The following PKP1 variants were observed in gnomAD, a reference collection of about 807,000 sequenced individuals.
PKP1 encodes plakophilin 1, also known as plakophilin-1.
Under a neutral mutation model 76.4 loss-of-function variants are expected in PKP1, and 27 were observed. The observed-to-expected ratio is 0.35, with a 90% CI of 0.26 to 0.49. The LOEUF is 0.49. PKP1 is among the 20% of genes least tolerant of loss of function. The probability of loss-of-function intolerance (pLI) is 0.99; values close to 1 mark genes in which losing one functional copy is unlikely to be tolerated. For synonymous variants in PKP1, 404 were observed against 384.2 expected, an observed-to-expected ratio of 1.05 and a Z score of -0.60; for missense variants, 964 against 955.2, an observed-to-expected ratio of 1.01 and a Z score of -0.12.
intron 2 of PKP1, among the ~76,000 whole-genome samples, chr1:201,300,475 G>A (rs1656195257): frequency 6.6e-6 from 1 of 152,256 alleles, no homozygotes; most frequent in South Asian, 2.1e-4. Flanking sequence ...CATGGCAGGT[G>A]AGTTGAGGCT....
chr1:201,325,793 G>A lies in PKP1; in HGVS notation c.2061G>A (p.Leu687=). ...PKAAEAARLL[L]SDMWSSKELQ... ...CCGCAGAAGCTGCCCGGCTTCTCCTGTCTGACATGTGGTCCAGCAAGGAAC... is the reference window on the plus strand; with the variant it reads ...CCGCAGAAGCTGCCCGGCTTCTCCTATCTGACATGTGGTCCAGCAAGGAAC... Residue 687 remains leucine, a synonymous_variant, in exon 12 of 14, where the codon CTG becomes CTA. Coordinates refer to ENST00000367324, the MANE Select transcript of PKP1 (RefSeq NM_001005337.3). 6.2e-7 allele frequency: 1 copy of A among 1,614,068 alleles called. No homozygotes were observed.
intron 2 of PKP1, among the ~76,000 whole-genome samples, chr1:201,310,105 T>C (rs1350428020): frequency 6.6e-6 from 1 of 152,188 alleles, no homozygotes; most frequent in East Asian, 1.9e-4. Flanking sequence ...TGACACCTGG[T>C]ATCCCATTTA....
intron 2 of PKP1, among the ~76,000 whole-genome samples, chr1:201,312,441 C>G (rs762534369): frequency 1.2e-4 from 19 of 152,184 alleles, no homozygotes; most frequent in Non-Finnish European, 2.8e-4. Context: ...CGAGTGACTA[C>G]TAGAAGGTCA....
chr1:201,301,161 T>G (rs531392207), intron 2 of PKP1, among the ~76,000 whole-genome samples: 73 of 152,276 alleles, frequency 4.8e-4, no homozygotes, highest in African/African-American at 1.7e-3. Context: ...CACCAGTCAC[T>G]GTCCTGATAG....
chr1:201,322,975 C>G, intron 8 of PKP1, 38 bp from the exon 9 acceptor site: 5 of 1,603,116 alleles, frequency 3.1e-6, no homozygotes, highest in Non-Finnish European at 4.3e-6. Context: ...TCTCACAAGG[C>G]TCCCCATTGA....
Position 201,316,285 on chromosome 1 carries a change from G to A in PKP1, c.702-268G>A, listed in dbSNP as rs2102176801. Reference sequence around the variant, plus strand: ...AATAGGGAGGAGTTTTTCCTCAGTGGAGAGATAACATACCTGCTAGGACAT... The same window carrying A: ...AATAGGGAGGAGTTTTTCCTCAGTGAAGAGATAACATACCTGCTAGGACAT... On this transcript the variant is annotated intron_variant, in intron 3 of 13. Transcript: ENST00000367324. 1.3e-5 allele frequency: 6 copies of A among 460,044 alleles called. No homozygotes were observed. The South Asian group carries it at 1.8e-4, about 14-fold the overall frequency. The allele number at this position is 460,044 out of a possible 1,614,324, so 28.5% of individuals were successfully genotyped here.
chr1:201,307,694 C>G (rs1656411720), intron 2 of PKP1, among the ~76,000 whole-genome samples: 1 of 152,230 alleles, frequency 6.6e-6, no homozygotes. Flanking sequence ...TACATGCCTA[C>G]TACATGAGAG....
Position 201,291,570 on chromosome 1 carries a change from C to T in PKP1, c.203-2372C>T, listed in dbSNP as rs190016072. ...TGCTGACAGGTTCTCTCCCAGAAGA[C>T]GGGCAAGAAGGCCCTGGTGCAAGCC... On this transcript the variant is annotated intron_variant, in intron 1 of 13. Coordinates refer to ENST00000367324, the MANE Select transcript of PKP1 (RefSeq NM_001005337.3). Among the ~76,000 whole-genome samples the T allele has an allele frequency of 5.2e-4, 79 of 152,294 alleles. 1 individual carries two copies. Among genetic ancestry groups the T allele is most frequent in the African/African-American group, 1.8e-3 (75 of 41,546 alleles).
rs771676256 is a variant in PKP1 at position 201,324,987 on chromosome 1, T to C, written c.1881T>C (p.Thr627=). 6.2e-7 allele frequency: 1 copy of C among 1,613,876 alleles called. No homozygotes were observed. The highest frequency in any genetic ancestry group is 8.5e-7 in the Non-Finnish European group (1 of 1,179,998). ...PEVTRLLTSH[T]GNTSNSEDIL... ...TGACCAGGCTCCTCACCAGCCACAC[T>C]GGCAATACCAGCAACTCCGAAGACA... Residue 627 remains threonine, a synonymous_variant, in exon 11 of 14, where the codon ACT becomes ACC. Coordinates refer to ENST00000367324, the MANE Select transcript of PKP1 (RefSeq NM_001005337.3).
intron 2 of PKP1, among the ~76,000 whole-genome samples, chr1:201,303,262 C>G (rs1465467568): frequency 6.6e-6 from 1 of 152,160 alleles, no homozygotes; most frequent in Non-Finnish European, 1.5e-5. Flanking sequence ...AAGCAATCCT[C>G]CCGCCTCAGA....
chr1:201,320,834 T>C (rs1656917477), intron 7 of PKP1, among the ~76,000 whole-genome samples: 1 of 152,168 alleles, frequency 6.6e-6, no homozygotes, highest in Non-Finnish European at 1.5e-5. Flanking sequence ...GAGGAATCCA[T>C]ACTGGTGCCC....
intron 2 of PKP1, among the ~76,000 whole-genome samples, chr1:201,311,625 G>A (rs548386021): frequency 3.3e-5 from 5 of 152,206 alleles, no homozygotes; most frequent in African/African-American, 9.6e-5. Context: ...CCCAGCTTGT[G>A]TGGCTAGATC....
At chr1:201,300,129 A>C (rs1656182397) in intron 2 of PKP1, among the ~76,000 whole-genome samples, 1 of 152,194 alleles carries the variant, frequency 6.6e-6, no homozygotes, top group South Asian at 2.1e-4. Context: ...CAACAAGAAG[A>C]GGCAATGATC....
At position 201,325,738 on chromosome 1, in the gene PKP1, C is replaced by T. The variant is rs149696575; in HGVS notation, c.2022-16C>T. 3.5e-4 allele frequency: 557 copies of T among 1,604,644 alleles called. 4 individuals are homozygous for T. In the African/African-American group the frequency reaches 6.7e-3, roughly 19 times the overall value. ...CCTGGAATCTCATCTCACAAATGCA[C>T]TTCTCACCTGCCCAGTGCCTCACCC... On this transcript the variant is annotated splice_polypyrimidine_tract_variant and intron_variant, in intron 11 of 13. Transcript: ENST00000367324.
At chr1:201,294,401 A>C (rs756762778) in intron 2 of PKP1, among the ~76,000 whole-genome samples, 4 of 152,192 alleles carry the variant, frequency 2.6e-5, no homozygotes, top group Non-Finnish European at 4.4e-5. Flanking sequence ...TTCTAGGAAA[A>C]TCCTAAAGGG....
At chr1:201,325,541 G>T (rs1416129742) in intron 11 of PKP1, among the ~76,000 whole-genome samples, 1 of 152,112 alleles carries the variant, frequency 6.6e-6, no homozygotes, top group Non-Finnish European at 1.5e-5. Flanking sequence ...GTCCTGGGGT[G>T]CTCTAGGTGG....
intron 5 of PKP1, 129 bp downstream of exon 5, chr1:201,317,908 G>T (rs1177092051): frequency 1.1e-6 from 1 of 897,906 alleles, no homozygotes. Context: ...TTGGCCCAGG[G>T]CTAATATCCT....
At position 201,324,931 on chromosome 1, in the gene PKP1, C is replaced by G; in HGVS notation, c.1835-10C>G. On this transcript the variant is annotated splice_polypyrimidine_tract_variant and intron_variant, in intron 10 of 13. Coordinates refer to ENST00000367324, the MANE Select transcript of PKP1 (RefSeq NM_001005337.3). ...TCCTGACCCTGTGCCCCAACTCGTT[C>G]CTCTCCCAGGGAACCAGGTGTTCCC... The G allele has an allele frequency of 1.2e-6, 2 of 1,612,786 alleles. No individual in the cohort carries two copies. Among genetic ancestry groups the G allele is most frequent in the Non-Finnish European group, 1.7e-6 (2 of 1,179,518 alleles).
At chr1:201,329,188 T>C (rs1657236534) in intron 13 of PKP1, among the ~76,000 whole-genome samples, 2 of 152,170 alleles carry the variant, frequency 1.3e-5, no homozygotes, top group African/African-American at 4.8e-5. Flanking sequence ...AGTTCTACAA[T>C]ATGGATAACT....
Sources: allele counts gnomAD v4.1 joint callset (sites outside exome capture counted in the v4.1 genomes callset), GRCh38; gene constraint gnomAD v4.1.1; transcripts MANE v1.5; gene names NCBI Gene and HGNC (gene_info 2026-07-23, HGNC 2026-07-21).